SYT1: variants seen among roughly 807,000 people sequenced by gnomAD.
SYT1 encodes the protein synaptotagmin-1.
Under a neutral mutation model 44.8 loss-of-function variants are expected in SYT1, and 8 were observed. The ratio of observed to expected loss-of-function variants is 0.18; its 90% CI spans 0.10 to 0.32. The LOEUF is 0.32. Among genes scored for constraint, SYT1 ranks in the 10% least tolerant of loss-of-function variants. The pLI, the probability that SYT1 is intolerant of heterozygous loss-of-function variation, is 1.00. For synonymous variants in SYT1, 154 were observed against 188.8 expected (o/e 0.82, Z 1.51); for missense variants, 286 against 509.3 (o/e 0.56, Z 4.22).
At chr12:79,432,855 G>A (rs78126476) in intron 9 of SYT1, among the ~76,000 whole-genome samples, 9 of 151,976 alleles carry the variant, frequency 5.9e-5, no homozygotes, top group African/African-American at 2.2e-4. Flanking sequence ...CTCATGATCC[G>A]CCCATCTCGG....
chr12:79,027,852 G>T (rs1482142830), intron 2 of SYT1, among the ~76,000 whole-genome samples: 1 of 151,486 alleles, frequency 6.6e-6, no homozygotes, highest in East Asian at 1.9e-4. Flanking sequence ...ATAGAGACCA[G>T]TATAGCCATA....
At chr12:79,338,396 T>C (rs1374766998) in intron 8 of SYT1, among the ~76,000 whole-genome samples, 1 of 151,408 alleles carries the variant, frequency 6.6e-6, no homozygotes, top group Non-Finnish European at 1.5e-5. Context: ...CCCGACCTCC[T>C]ACCTCAGCCT....
At chr12:79,158,876 G>A (rs1443227602) in intron 3 of SYT1, among the ~76,000 whole-genome samples, 3 of 151,336 alleles carry the variant, frequency 2.0e-5, no homozygotes, top group African/African-American at 4.9e-5. Context: ...CAGCCTGGGT[G>A]ACAAGTGAAA....
chr12:78,925,706 G>C (rs1439369457), intron 1 of SYT1, among the ~76,000 whole-genome samples: 1 of 151,664 alleles, frequency 6.6e-6, no homozygotes, highest in East Asian at 1.9e-4. Flanking sequence ...CACATATTTA[G>C]GTCTCAAAAA....
intron 8 of SYT1, among the ~76,000 whole-genome samples, chr12:79,320,654 T>C (rs868120795): frequency 0.01 from 1,487 of 147,656 alleles, 22 homozygotes; most frequent in African/African-American, 0.035. Context: ...TCCCCTTTTT[T>C]TTTTTTTTTT....
chr12:79,245,473 C>CAAAAAAAAA (rs1273397377), intron 4 of SYT1, among the ~76,000 whole-genome samples: 10 of 43,410 alleles, frequency 2.3e-4, no homozygotes, highest in Admixed American at 8.8e-4. Context: ...ACTCCGTCAA[C>CAAAAAAAAA]AAAAAAAAAA....
intron 9 of SYT1, among the ~76,000 whole-genome samples, chr12:79,356,737 C>T (rs1038985978): frequency 6.6e-6 from 1 of 152,200 alleles, no homozygotes; most frequent in Admixed American, 6.5e-5. Flanking sequence ...TTTAACTCTT[C>T]TAAGCCTCAG....
intron 2 of SYT1, among the ~76,000 whole-genome samples, chr12:79,008,620 G>A (rs1871235412): frequency 6.6e-6 from 1 of 152,080 alleles, no homozygotes; most frequent in Admixed American, 6.6e-5. Flanking sequence ...CCACTTTTTG[G>A]AGACAGAATA....
chr12:79,037,302 T>G (rs1873198453), intron 2 of SYT1, among the ~76,000 whole-genome samples: 2 of 151,696 alleles, frequency 1.3e-5, no homozygotes. Context: ...TCAAGGTACA[T>G]ACTAGCTCTC....
intron 9 of SYT1, among the ~76,000 whole-genome samples, chr12:79,442,666 A>T (rs547726500): frequency 7.9e-4 from 120 of 152,284 alleles, no homozygotes; most frequent in Non-Finnish European, 1.7e-3. Flanking sequence ...CAAATAGTGA[A>T]TATGACAGAC....
intron 3 of SYT1, among the ~76,000 whole-genome samples, chr12:79,179,373 G>GATATATCTATATCTATCC (rs1872276025): frequency 2.3e-5 from 1 of 44,414 alleles, no homozygotes; most frequent in African/African-American, 1.3e-4. Context: ...TATAGATATA[G>GATATATCTATATCTATCC]ATATAGATAT....
intron 7 of SYT1, 99 bp downstream of exon 7, chr12:79,296,335 T>G (rs1470866757): frequency 3.3e-6 from 4 of 1,225,736 alleles, no homozygotes; most frequent in Admixed American, 2.6e-5. Flanking sequence ...GAATGCTTGT[T>G]CAGGCACTCA....
At chr12:78,891,844 T>C (rs1355871477) in intron 1 of SYT1, among the ~76,000 whole-genome samples, 2 of 151,788 alleles carry the variant, frequency 1.3e-5, no homozygotes. Context: ...TAAACCAAAC[T>C]GAAACTGAGA....
intron 8 of SYT1, among the ~76,000 whole-genome samples, chr12:79,322,527 G>A (rs2138983198): frequency 6.6e-6 from 1 of 152,230 alleles, no homozygotes; most frequent in Middle Eastern, 3.4e-3. Flanking sequence ...GAGTGTATCA[G>A]TGAATATTAT....
At chr12:79,336,826 T>G (rs979023429) in intron 8 of SYT1, among the ~76,000 whole-genome samples, 2 of 152,094 alleles carry the variant, frequency 1.3e-5, no homozygotes, top group African/African-American at 2.4e-5. Context: ...TGTTATGTAT[T>G]TATTTATTTT....
intron 1 of SYT1, among the ~76,000 whole-genome samples, chr12:78,866,643 G>T (rs1323437873): frequency 6.6e-6 from 1 of 152,094 alleles, no homozygotes; most frequent in Non-Finnish European, 1.5e-5. Flanking sequence ...ATGGAAGGAG[G>T]TATAGAGAAA....
intron 1 of SYT1, among the ~76,000 whole-genome samples, chr12:78,878,282 G>A (rs970771196): frequency 2.0e-5 from 3 of 151,680 alleles, no homozygotes; most frequent in Non-Finnish European, 4.4e-5. Context: ...TTGAGCATAG[G>A]TATTTAGAGT....
At chr12:79,133,492 T>C (rs1474700466) in intron 3 of SYT1, among the ~76,000 whole-genome samples, 3 of 152,210 alleles carry the variant, frequency 2.0e-5, no homozygotes, top group African/African-American at 4.8e-5. Flanking sequence ...CTTGTATGCA[T>C]GTATCAAAAT....
In SYT1 at chr12:79,014,936, T is replaced by A. The variant is rs796248982; in HGVS notation, c.-83-32361T>A. 7.2e-4 allele frequency among the ~76,000 whole-genome samples: 109 copies of A among 152,104 alleles called. No individual in the cohort carries two copies. The South Asian group carries it at 0.021, about 29-fold the overall frequency. ...GGGACATGGATGAAATTGGAAATCA[T>A]CATTCTCAGTAAACTATCGCAAGGA... On this transcript the variant is annotated intron_variant, in intron 2 of 10. Transcript: ENST00000261205.
Sources: allele counts gnomAD v4.1 joint callset (sites outside exome capture counted in the v4.1 genomes callset), GRCh38; gene constraint gnomAD v4.1.1; transcripts MANE v1.5; gene names NCBI Gene and HGNC (gene_info 2026-07-23, HGNC 2026-07-21).